Variants in ANO6 observed in about 807,000 individuals in gnomAD.
ANO6 encodes the protein anoctamin 6, also known as anoctamin-6.
A neutral mutation model predicts 117.5 loss-of-function variants in ANO6; 106 were observed. The observed-to-expected ratio is 0.90, with a 90% CI of 0.77 to 1.06. The LOEUF (loss-of-function observed/expected upper bound fraction) is 1.06. Ranked by LOEUF, ANO6 falls within the 50% of genes least tolerant of loss-of-function variation. ANO6 has a pLI of 0.00. For synonymous variants in ANO6, 367 were observed against 385.1 expected (o/e 0.95, Z 0.55); for missense variants, 955 against 1,121.1 (o/e 0.85, Z 2.12).
In ANO6 at chr12:45,229,680, G is replaced by A. The variant is rs1413971671; in HGVS notation, c.70+13289G>A. Reference sequence around the variant, plus strand: ...TGGGATTACAGGCGTGAGCCACTGCGCCCAGCCTTATTTTAGTTTTTTTAA... The same window carrying A: ...TGGGATTACAGGCGTGAGCCACTGCACCCAGCCTTATTTTAGTTTTTTTAA... On this transcript the variant is annotated intron_variant, in intron 1 of 19. Coordinates refer to ENST00000320560, the MANE Select transcript of ANO6 (RefSeq NM_001025356.3). Among the ~76,000 whole-genome samples, 6 of 149,978 alleles carry A rather than the reference G, an allele frequency of 4.0e-5. No individual in the cohort carries two copies. In the South Asian group the frequency reaches 8.4e-4, roughly 21 times the overall value.
chr12:45,378,829 A>G (rs1362071769), intron 10 of ANO6, among the ~76,000 whole-genome samples: 1 of 152,126 alleles, frequency 6.6e-6, no homozygotes, highest in Non-Finnish European at 1.5e-5. Flanking sequence ...TTTCTCATAC[A>G]CTTCTATGTG....
intron 8 of ANO6, among the ~76,000 whole-genome samples, chr12:45,367,393 C>A (rs1565723194): frequency 6.6e-6 from 1 of 152,108 alleles, no homozygotes; most frequent in African/African-American, 2.4e-5. Flanking sequence ...CTGGCCTATC[C>A]TTGTGGCCTT....
intron 2 of ANO6, among the ~76,000 whole-genome samples, chr12:45,308,467 G>C (rs1422710539): frequency 6.6e-6 from 1 of 151,998 alleles, no homozygotes; most frequent in African/African-American, 2.4e-5. Flanking sequence ...AATGGGATCC[G>C]AAGTGAGGAG....
Position 45,429,356 on chromosome 12 carries a change from A to G in ANO6, c.*45A>G. 1.1e-5 allele frequency: 18 copies of G among 1,595,306 alleles called. No individual in the cohort carries two copies. The highest frequency in any genetic ancestry group is 1.5e-5 in the Non-Finnish European group (18 of 1,171,374). On this transcript the variant is annotated 3_prime_UTR_variant, in exon 20 of 20. Transcript: ENST00000320560. ...GCACTTTAAGGAATTTAGCTTTGTCAAAATATATTAGGAATCACTAATGAG... is the reference window on the plus strand; with the variant it reads ...GCACTTTAAGGAATTTAGCTTTGTCGAAATATATTAGGAATCACTAATGAG...
chr12:45,305,180 A>C (rs1173234954), intron 2 of ANO6, among the ~76,000 whole-genome samples: 1 of 152,200 alleles, frequency 6.6e-6, no homozygotes, highest in African/African-American at 2.4e-5. Context: ...TGTTGAAACT[A>C]GAAACTGTGA....
At chr12:45,321,322 A>C (rs1940262599) in intron 2 of ANO6, among the ~76,000 whole-genome samples, 1 of 152,098 alleles carries the variant, frequency 6.6e-6, no homozygotes, top group African/African-American at 2.4e-5. Flanking sequence ...TGTATTAATA[A>C]ATTTTCGCTA....
At chr12:45,294,497 G>GA (rs1939223863) in intron 1 of ANO6, among the ~76,000 whole-genome samples, 1 of 152,124 alleles carries the variant, frequency 6.6e-6, no homozygotes, top group African/African-American at 2.4e-5. Flanking sequence ...GGGAGGGAGG[G>GA]AAAGCTCCTG....
chr12:45,406,957 A>G (rs1942950303), intron 15 of ANO6, among the ~76,000 whole-genome samples: 1 of 152,224 alleles, frequency 6.6e-6, no homozygotes, highest in African/African-American at 2.4e-5. Context: ...TGGCTATGAC[A>G]ATACACATGG....
At chr12:45,354,083 G>A (rs186171343) in intron 7 of ANO6, among the ~76,000 whole-genome samples, 51 of 152,226 alleles carry the variant, frequency 3.4e-4, no homozygotes, top group Admixed American at 2.2e-3. Flanking sequence ...AGTACTTCCA[G>A]AGAAGTATCT....
chr12:45,354,194 C>G (rs997548819), intron 7 of ANO6, among the ~76,000 whole-genome samples: 1 of 143,726 alleles, frequency 7.0e-6, no homozygotes, highest in South Asian at 2.1e-4. Context: ...CACAGCAGCT[C>G]AGAACGCTGG....
intron 10 of ANO6, among the ~76,000 whole-genome samples, chr12:45,381,693 T>C (rs1942172770): frequency 6.6e-6 from 1 of 152,214 alleles, no homozygotes; most frequent in South Asian, 2.1e-4. Flanking sequence ...CCAGACTATG[T>C]CTTGCTTGCA....
chr12:45,223,770 C>G (rs1302248097), intron 1 of ANO6, among the ~76,000 whole-genome samples: 1 of 152,122 alleles, frequency 6.6e-6, no homozygotes, highest in Non-Finnish European at 1.5e-5. Context: ...TAAGAGTTGT[C>G]TCTTTTCCTC....
intron 1 of ANO6, among the ~76,000 whole-genome samples, chr12:45,293,106 A>T (rs571536106): frequency 4.6e-5 from 7 of 152,230 alleles, no homozygotes; most frequent in African/African-American, 1.7e-4. Context: ...GTGCAGTGCA[A>T]TATGGTTCTG....
chr12:45,385,462 A>T (rs1942273078), intron 10 of ANO6, among the ~76,000 whole-genome samples: 1 of 152,092 alleles, frequency 6.6e-6, no homozygotes, highest in South Asian at 2.1e-4. Context: ...TATCAAGGGG[A>T]TGCAGAACCT....
At chr12:45,372,767 G>A (rs957040833) in intron 9 of ANO6, among the ~76,000 whole-genome samples, 4 of 152,180 alleles carry the variant, frequency 2.6e-5, no homozygotes, top group Non-Finnish European at 4.4e-5. Context: ...ATGCCAAAAT[G>A]TAAAGACCAT....
intron 1 of ANO6, among the ~76,000 whole-genome samples, chr12:45,262,200 C>T (rs944344385): frequency 3.9e-5 from 6 of 152,246 alleles, no homozygotes; most frequent in South Asian, 4.1e-4. Flanking sequence ...GCTGCTTTCC[C>T]GCCTTTTAAA....
At chr12:45,254,524 T>C (rs1378332308) in intron 1 of ANO6, among the ~76,000 whole-genome samples, 2 of 152,248 alleles carry the variant, frequency 1.3e-5, no homozygotes, top group African/African-American at 4.8e-5. Context: ...GCGTCATAGA[T>C]ACTAACAATC....
At chr12:45,424,348 T>G (rs1943445294) in intron 19 of ANO6, among the ~76,000 whole-genome samples, 1 of 132,120 alleles carries the variant, frequency 7.6e-6, no homozygotes, top group South Asian at 2.8e-4. Flanking sequence ...TTTTTTTTTT[T>G]TTTTTTTAAA....
intron 9 of ANO6, among the ~76,000 whole-genome samples, chr12:45,374,732 C>A (rs1271659610): frequency 6.7e-6 from 1 of 149,196 alleles, no homozygotes; most frequent in African/African-American, 2.5e-5. Flanking sequence ...CTATGACAAA[C>A]CCACAGCCAA....
Sources: allele counts gnomAD v4.1 joint callset (sites outside exome capture counted in the v4.1 genomes callset), GRCh38; gene constraint gnomAD v4.1.1; transcripts MANE v1.5; gene names NCBI Gene and HGNC (gene_info 2026-07-23, HGNC 2026-07-21).